Variants in CPNE4 observed in about 807,000 individuals in gnomAD.
CPNE4 encodes the protein copine-4.
Under a neutral mutation model 67.9 loss-of-function variants are expected in CPNE4, and 25 were observed. That is an observed-to-expected ratio of 0.37 (90% CI 0.27 to 0.51). The LOEUF is 0.51. Among genes scored for constraint, CPNE4 ranks in the 20% least tolerant of loss-of-function variants. The pLI is 0.93. For synonymous variants in CPNE4, 242 were observed against 244.9 expected, an observed-to-expected ratio of 0.99 and a Z score of 0.11; for missense variants, 464 against 690.8, an observed-to-expected ratio of 0.67 and a Z score of 3.68.
chr3:131,693,574 G>T (rs974479363), intron 5 of CPNE4, among the ~76,000 whole-genome samples: 2 of 152,138 alleles, frequency 1.3e-5, no homozygotes, highest in African/African-American at 4.8e-5. Flanking sequence ...TAGGCATCAT[G>T]CAGCCTCTGG....
At chr3:131,557,414 T>G (rs928626210) in intron 11 of CPNE4, among the ~76,000 whole-genome samples, 6 of 152,094 alleles carry the variant, frequency 3.9e-5, no homozygotes, top group Non-Finnish European at 7.4e-5. Flanking sequence ...CAAAGCTAGA[T>G]TCTCCTTTAT....
chr3:131,888,433 TC>T (rs1271401288), intron 2 of CPNE4, among the ~76,000 whole-genome samples: 1 of 151,976 alleles, frequency 6.6e-6, no homozygotes, highest in Non-Finnish European at 1.5e-5. Context: ...GACTAACTAC[TC>T]CGACGAAAAG....
At chr3:131,564,161 C>T in intron 11 of CPNE4, 55 bp downstream of exon 11, 1 of 1,605,642 alleles carries the variant, frequency 6.2e-7, no homozygotes, top group Non-Finnish European at 8.5e-7. Context: ...CAGCCAAAGA[C>T]CGTCTGAACC....
intron 2 of CPNE4, among the ~76,000 whole-genome samples, chr3:131,772,412 C>T (rs1468076940): frequency 6.6e-6 from 1 of 152,128 alleles, no homozygotes; most frequent in African/African-American, 2.4e-5. Flanking sequence ...CTCTGTCAGA[C>T]AGTGTGTACA....
At chr3:131,792,848 C>T (rs532135882) in intron 2 of CPNE4, among the ~76,000 whole-genome samples, 1 of 144,296 alleles carries the variant, frequency 6.9e-6, no homozygotes, top group Non-Finnish European at 1.5e-5. Context: ...TGTGTATATA[C>T]ATACATACAT....
chr3:131,628,357 T>C (rs2107772405), intron 7 of CPNE4, among the ~76,000 whole-genome samples: 1 of 152,260 alleles, frequency 6.6e-6, no homozygotes, highest in East Asian at 1.9e-4. Flanking sequence ...TCTTACATGG[T>C]GGCAACAGAA....
At chr3:131,787,364 G>A (rs975546129) in intron 2 of CPNE4, among the ~76,000 whole-genome samples, 2 of 152,160 alleles carry the variant, frequency 1.3e-5, no homozygotes, top group Admixed American at 6.6e-5. Flanking sequence ...ACTGCAATGC[G>A]GGGTTGATGA....
At chr3:131,575,155 G>A (rs1245724703) in intron 9 of CPNE4, 25 bp from the exon 10 acceptor site, 1 of 1,603,226 alleles carries the variant, frequency 6.2e-7, no homozygotes, top group Non-Finnish European at 8.5e-7. Context: ...AGAGGAAACT[G>A]GGTTAATAAC....
In CPNE4 at chr3:131,650,497, C is replaced by T. The variant is rs977932144; in HGVS notation, c.681+19178G>A. Among the ~76,000 whole-genome samples, 46 of 151,372 alleles carry T rather than the reference C, an allele frequency of 3.0e-4. 5 individuals carry two copies. Among genetic ancestry groups the T allele is most frequent in the African/African-American group, 1.1e-3 (45 of 40,688 alleles). On this transcript the variant is annotated intron_variant, in intron 7 of 15. Transcript: ENST00000429747. ...TTGCGGCCGGGCGCGGTGGCTCACG[C>T]TTGTAATCCCAGCACTCTGGGAGGC...
At chr3:131,863,966 CT>C in intron 2 of CPNE4, among the ~76,000 whole-genome samples, 1 of 152,266 alleles carries the variant, frequency 6.6e-6, no homozygotes, top group Middle Eastern at 3.4e-3. Context: ...ATAGGGAATC[CT>C]TTCCTCATTT....
At chr3:131,804,383 A>G (rs1371716981) in intron 2 of CPNE4, among the ~76,000 whole-genome samples, 1 of 151,814 alleles carries the variant, frequency 6.6e-6, no homozygotes, top group East Asian at 1.9e-4. Flanking sequence ...TATGTGAACT[A>G]CTCACAAACC....
At chr3:131,800,618 ATGT>A (rs2084066405) in intron 2 of CPNE4, among the ~76,000 whole-genome samples, 1 of 152,128 alleles carries the variant, frequency 6.6e-6, no homozygotes, top group Non-Finnish European at 1.5e-5. Flanking sequence ...ACTGCTCCTG[ATGT>A]TGTCCATGTG....
intron 2 of CPNE4, among the ~76,000 whole-genome samples, chr3:131,759,233 A>G (rs1325158069): frequency 2.6e-5 from 4 of 152,134 alleles, no homozygotes; most frequent in Non-Finnish European, 5.9e-5. Flanking sequence ...TCTAGGGGTA[A>G]CCAGTTGGTT....
chr3:131,543,072 A>C (rs1935613445), intron 14 of CPNE4: 1 of 369,758 alleles, frequency 2.7e-6, no homozygotes. Flanking sequence ...GACAGGCTTC[A>C]AAGCCTCATT....
chr3:131,856,635 C>T, intron 2 of CPNE4, among the ~76,000 whole-genome samples: 1 of 151,878 alleles, frequency 6.6e-6, no homozygotes, highest in East Asian at 1.9e-4. Context: ...ATAGGTAAAA[C>T]CTACTGAGAA....
At chr3:131,848,403 A>T (rs961682879) in intron 2 of CPNE4, among the ~76,000 whole-genome samples, 25 of 152,122 alleles carry the variant, frequency 1.6e-4, no homozygotes, top group African/African-American at 6.0e-4. Context: ...TCCCCACACC[A>T]GAATTAAAAT....
At chr3:131,578,651 G>A (rs77297667) in intron 9 of CPNE4, among the ~76,000 whole-genome samples, 5,513 of 152,176 alleles carry the variant, frequency 0.036, 298 homozygotes, top group African/African-American at 0.12. Flanking sequence ...TTAAAACAGT[G>A]AATATACAAA....
intron 7 of CPNE4, among the ~76,000 whole-genome samples, chr3:131,652,956 A>G (rs2079850302): frequency 6.6e-6 from 1 of 152,150 alleles, no homozygotes; most frequent in Non-Finnish European, 1.5e-5. Flanking sequence ...CATCTTTCTC[A>G]TCCCAAACCT....
intron 2 of CPNE4, among the ~76,000 whole-genome samples, chr3:131,795,428 ACATTC>A (rs539978591): frequency 4.9e-4 from 74 of 152,158 alleles, no homozygotes; most frequent in Non-Finnish European, 8.7e-4. Context: ...GTGAGGTCAG[ACATTC>A]CTTGTAATAT....
Sources: allele counts gnomAD v4.1 joint callset (sites outside exome capture counted in the v4.1 genomes callset), GRCh38; gene constraint gnomAD v4.1.1; transcripts MANE v1.5; gene names NCBI Gene and HGNC (gene_info 2026-07-23, HGNC 2026-07-21).